The following NNMT variants were observed in gnomAD, a reference collection of about 807,000 sequenced individuals.
The protein encoded by NNMT is nicotinamide N-methyltransferase.
In NNMT, 10 loss-of-function variants were observed where a neutral mutation model predicts 11.7. The ratio of observed to expected loss-of-function variants is 0.85; its 90% CI spans 0.53 to 1.45. The LOEUF (loss-of-function observed/expected upper bound fraction) is 1.45, where lower values mean the gene tolerates loss of function less well. NNMT is among the 40% of genes most tolerant of loss of function. NNMT has a pLI of 0.00. For missense variants in NNMT, 381 were observed against 319.4 expected, an observed-to-expected ratio of 1.19 and a Z score of -1.47; for synonymous variants, 143 against 133.8, an observed-to-expected ratio of 1.07 and a Z score of -0.48.
Position 114,312,196 on chromosome 11 carries a change from G to A in NNMT, c.514G>A (p.Asp172Asn). The A allele has an allele frequency of 6.2e-7, 1 of 1,614,226 alleles. No individual in the cohort carries two copies. ...STLCLDAACP[D>N]LPTYCRALRN... Reference sequence around the variant, plus strand: ...ACTGTGTCTGGATGCCGCCTGCCCAGACCTCCCCACCTACTGCAGGGCGCT... The same window carrying A: ...ACTGTGTCTGGATGCCGCCTGCCCAAACCTCCCCACCTACTGCAGGGCGCT... Residue 172 changes from aspartate (D) to asparagine (N), a missense_variant, in exon 3 of 3, where the codon GAC (aspartate) becomes AAC (asparagine). Coordinates refer to ENST00000299964, the MANE Select transcript of NNMT (RefSeq NM_006169.3).
intron 2 of NNMT, among the ~76,000 whole-genome samples, chr11:114,278,048 A>G (rs1213447017): frequency 6.6e-6 from 1 of 152,222 alleles, no homozygotes; most frequent in Non-Finnish European, 1.5e-5. Flanking sequence ...TCCATTTTGC[A>G]ATGCCGTAAA....
intron 2 of NNMT, among the ~76,000 whole-genome samples, chr11:114,307,865 G>A (rs1945507481): frequency 1.3e-5 from 2 of 151,806 alleles, no homozygotes; most frequent in South Asian, 4.2e-4. Context: ...TTTTGGAGGA[G>A]CTTTTCCTGA....
rs1945310357 is a variant in NNMT, at chr11:114,287,932, C to A, written c.-129-8496C>A. Among the ~76,000 whole-genome samples, 3 of 152,052 alleles carry A rather than the reference C, an allele frequency of 2.0e-5. No homozygotes were observed. In the South Asian group the frequency reaches 6.2e-4, roughly 32 times the overall value. ...TCTTTCAATAAAATTTTATTATTTT[C>A]TCCATTAATGTCTTATACATAGTTT... On this transcript the variant is annotated intron_variant, in intron 2 of 4. Transcript: ENST00000535401.
At chr11:114,259,119 T>C (rs1945053751) in intron 1 of NNMT, among the ~76,000 whole-genome samples, 1 of 152,214 alleles carries the variant, frequency 6.6e-6, no homozygotes, top group Non-Finnish European at 1.5e-5. Flanking sequence ...TATCTATCTT[T>C]GTGTTTCCAG....
intron 1 of NNMT, among the ~76,000 whole-genome samples, chr11:114,261,563 G>T (rs1591823415): frequency 6.6e-6 from 1 of 152,032 alleles, no homozygotes; most frequent in Middle Eastern, 3.4e-3. Flanking sequence ...CAGCCTGGGC[G>T]ACAAGAGCGA....
chr11:114,279,805 G>T (rs551286028), intron 2 of NNMT, among the ~76,000 whole-genome samples: 1 of 152,334 alleles, frequency 6.6e-6, no homozygotes, highest in South Asian at 2.1e-4. Context: ...GCAGACAGTA[G>T]TGGCAGCAGT....
chr11:114,266,420 T>A (rs899435726), intron 2 of NNMT, among the ~76,000 whole-genome samples: 1 of 152,146 alleles, frequency 6.6e-6, no homozygotes, highest in Non-Finnish European at 1.5e-5. Flanking sequence ...TTTCTGACCG[T>A]CTTCTTCCAC....
intron 2 of NNMT, among the ~76,000 whole-genome samples, chr11:114,278,275 CT>C (rs1181519898): frequency 1.3e-5 from 2 of 152,112 alleles, no homozygotes; most frequent in Non-Finnish European, 2.9e-5. Context: ...TTTAAACGAT[CT>C]GCTCTCTTGT....
At chr11:114,281,717 C>T (rs1322442059) in intron 2 of NNMT, among the ~76,000 whole-genome samples, 2 of 152,126 alleles carry the variant, frequency 1.3e-5, no homozygotes, top group Non-Finnish European at 2.9e-5. Context: ...CCCTCTTCAG[C>T]CAGTTGAAAG....
upstream of NNMT, among the ~76,000 whole-genome samples, chr11:114,294,337 G>T (rs537079116): frequency 1.3e-5 from 2 of 152,020 alleles, no homozygotes; most frequent in Admixed American, 6.6e-5. Flanking sequence ...AATTAGCTGG[G>T]CGTGATGGTG....
chr11:114,263,636 C>T (rs189074437), intron 2 of NNMT, among the ~76,000 whole-genome samples: 6 of 152,346 alleles, frequency 3.9e-5, no homozygotes, highest in Non-Finnish European at 7.4e-5. Flanking sequence ...CACGTAGACC[C>T]CACACCTGCT....
intron 2 of NNMT, among the ~76,000 whole-genome samples, chr11:114,274,922 G>C (rs1400296876): frequency 5.3e-5 from 8 of 152,208 alleles, no homozygotes. Context: ...TGGGAACAGG[G>C]AAACACAGAG....
intron 2 of NNMT, among the ~76,000 whole-genome samples, chr11:114,283,063 A>G (rs2135258734): frequency 6.6e-6 from 1 of 152,294 alleles, no homozygotes; most frequent in African/African-American, 2.4e-5. Context: ...AACCTCATGC[A>G]CTGCTGATGG....
upstream of NNMT, among the ~76,000 whole-genome samples, chr11:114,293,706 C>A (rs1439688642): frequency 6.6e-6 from 1 of 151,884 alleles, no homozygotes; most frequent in African/African-American, 2.4e-5. Context: ...TTAGTACAAC[C>A]ACTATGGAGA....
At chr11:114,299,261 T>A (rs1945414474) in intron 2 of NNMT, among the ~76,000 whole-genome samples, 1 of 152,228 alleles carries the variant, frequency 6.6e-6, no homozygotes, top group South Asian at 2.1e-4. Flanking sequence ...ACTATTGGTT[T>A]TTCATAGATA....
At position 114,308,758 on chromosome 11, in the gene NNMT, C is replaced by T. The variant is rs145727704; in HGVS notation, c.363-3287C>T. ...GGCTGGGTCTCTGGTGAGTCCATTT[C>T]CCTGCGTTGCCCCGAGGTGTATGCA... On this transcript the variant is annotated intron_variant, in intron 2 of 2. Coordinates refer to ENST00000299964, the MANE Select transcript of NNMT (RefSeq NM_006169.3). Among the ~76,000 whole-genome samples, 41 of 152,216 alleles carry T rather than the reference C, an allele frequency of 2.7e-4. No individual in the cohort carries two copies. In the East Asian group the frequency reaches 7.3e-3, roughly 27 times the overall value.
At chr11:114,311,080 G>T (rs1945545032) in intron 2 of NNMT, among the ~76,000 whole-genome samples, 1 of 152,166 alleles carries the variant, frequency 6.6e-6, no homozygotes, top group African/African-American at 2.4e-5. Flanking sequence ...TGCAATTCCA[G>T]CAGTTTGAGA....
upstream of NNMT, among the ~76,000 whole-genome samples, chr11:114,291,932 T>C (rs1482495347): frequency 6.6e-6 from 1 of 152,198 alleles, no homozygotes; most frequent in African/African-American, 2.4e-5. Context: ...TGATACAGTA[T>C]TTATCATCAG....
chr11:114,269,783 G>A (rs998361419), intron 2 of NNMT, among the ~76,000 whole-genome samples: 8 of 152,018 alleles, frequency 5.3e-5, no homozygotes, highest in African/African-American at 1.7e-4. Context: ...TACTTTATTC[G>A]TTTACTAGTG....
Sources: gnomAD v4.1 joint callset for allele counts (sites outside exome capture counted in the v4.1 genomes callset) on GRCh38, gnomAD v4.1.1 for gene constraint, MANE v1.5 for transcripts, NCBI Gene and HGNC (gene_info 2026-07-23, HGNC 2026-07-21) for gene names.